The following STAU1 variants were observed in gnomAD, a reference collection of about 807,000 sequenced individuals.
The protein encoded by STAU1 is staufen double-stranded RNA binding protein 1.
STAU1 carries 13 observed loss-of-function variants against 62.9 expected under a neutral mutation model. The ratio of observed to expected loss-of-function variants is 0.21; its 90% CI spans 0.13 to 0.33. STAU1 has a LOEUF of 0.33. Among genes scored for constraint, STAU1 ranks in the 10% least tolerant of loss-of-function variants. The probability of loss-of-function intolerance (pLI) is 1.00; values close to 1 mark genes in which losing one functional copy is unlikely to be tolerated. For synonymous variants in STAU1, 269 were observed against 265.1 expected (o/e 1.01, Z -0.14); for missense variants, 571 against 712.1 (o/e 0.80, Z 2.25).
chr20:49,115,927 C>T (rs1385824124), intron 12 of STAU1, 60 bp from the exon 13 acceptor site: 4 of 1,475,654 alleles, frequency 2.7e-6, no homozygotes, highest in South Asian at 1.1e-5. Context: ...CAGCATAATA[C>T]ACTGGTCAGG....
chr20:49,170,055 C>T (rs2093577161), intron 2 of STAU1, among the ~76,000 whole-genome samples: 1 of 152,132 alleles, frequency 6.6e-6, no homozygotes, highest in South Asian at 2.1e-4. Flanking sequence ...GAAGGAGAAT[C>T]TGGGCACATG....
At position 49,113,775 on chromosome 20, in the gene STAU1, C is replaced by T. The variant is rs754433211; in HGVS notation, c.*1103G>A. 4 of 152,568 alleles carry T rather than the reference C, an allele frequency of 2.6e-5. No individual in the cohort carries two copies. The highest frequency in any genetic ancestry group is 6.6e-5 in the Admixed American group (1 of 15,266). The allele number at this position is 152,568 out of a possible 1,614,324, so 9.5% of individuals were successfully genotyped here. The stretch of plus-strand genomic sequence containing the variant: ...CTAATGGAGATGTAATTAACAGTAT[C>T]GAGCACTCTGGAAAATCACTCTGCA... On this transcript the variant is annotated 3_prime_UTR_variant, in exon 14 of 14. Transcript: ENST00000371856.
intron 13 of STAU1, among the ~76,000 whole-genome samples, chr20:49,115,361 C>T (rs568944339): frequency 1.1e-4 from 17 of 151,962 alleles, no homozygotes; most frequent in African/African-American, 3.6e-4. Flanking sequence ...AGTGCAGTGG[C>T]GCTATGTCGG....
intron 2 of STAU1, among the ~76,000 whole-genome samples, chr20:49,168,954 AT>A (rs201860565): frequency 3.4e-3 from 485 of 143,480 alleles, no homozygotes; most frequent in Admixed American, 6.2e-3. Context: ...ATAGATGCTA[AT>A]TTTTTTTTTT....
intron 5 of STAU1, among the ~76,000 whole-genome samples, chr20:49,143,907 C>T (rs2093065389): frequency 6.6e-6 from 1 of 152,194 alleles, no homozygotes; most frequent in African/African-American, 2.4e-5. Context: ...ACCTGATGCA[C>T]CTGCAGCTGG....
At position 49,113,851 on chromosome 20, in the gene STAU1, A is replaced by T. The variant is rs2092241888; in HGVS notation, c.*1027T>A. 4 of 152,778 alleles carry T rather than the reference A, an allele frequency of 2.6e-5. No homozygotes were observed. The South Asian group carries it at 8.3e-4, about 32-fold the overall frequency. The allele number at this position is 152,778 out of a possible 1,614,324, so 9.5% of individuals were successfully genotyped here. A position where few individuals can be genotyped will look rare whatever the true frequency, so the allele number is the denominator to read the frequency against. ...ATATCCTGTAGTGTAGTGAAAGCTAAGTCCTCAAGAGCCATATGTATAGAT... is the reference window on the plus strand; with the variant it reads ...ATATCCTGTAGTGTAGTGAAAGCTATGTCCTCAAGAGCCATATGTATAGAT... On this transcript the variant is annotated 3_prime_UTR_variant, in exon 14 of 14. Transcript: ENST00000371856.
At chr20:49,176,346 T>A (rs2093660361) in intron 1 of STAU1, among the ~76,000 whole-genome samples, 1 of 152,204 alleles carries the variant, frequency 6.6e-6, no homozygotes, top group Non-Finnish European at 1.5e-5. Context: ...TAATCATTTT[T>A]AGAAGTGAAC....
At chr20:49,148,928 C>A (rs928143036) in intron 5 of STAU1, among the ~76,000 whole-genome samples, 1 of 152,100 alleles carries the variant, frequency 6.6e-6, no homozygotes, top group African/African-American at 2.4e-5. Flanking sequence ...CAACCTTGAC[C>A]ATACCTCAGA....
At chr20:49,153,582 G>A (rs957279280) in intron 4 of STAU1, among the ~76,000 whole-genome samples, 1 of 150,540 alleles carries the variant, frequency 6.6e-6, no homozygotes, top group African/African-American at 2.4e-5. Flanking sequence ...GTGGTGGCAG[G>A]TGCCTGTAAT....
At chr20:49,196,965 T>A in the STAU1 span, among the ~76,000 whole-genome samples, 1 of 151,988 alleles carries the variant, frequency 6.6e-6, no homozygotes, top group African/African-American at 2.4e-5. Context: ...AAAACCAGCC[T>A]GGGCAACATG....
chr20:49,114,542 G>A lies in STAU1; in HGVS notation c.*336C>T. 3.3e-6 allele frequency: 1 copy of A among 305,194 alleles called. No individual in the cohort carries two copies. The highest frequency in any genetic ancestry group is 6.1e-6 in the Non-Finnish European group (1 of 163,422). 18.9% of individuals were successfully genotyped at this position (305,194 alleles called of 1,614,324 possible). The stretch of plus-strand genomic sequence containing the variant: ...GTGCCGTTTCTTCTTTCACACAGGG[G>A]AAAAAAAAGACCAAACACGGAGGTG... On this transcript the variant is annotated 3_prime_UTR_variant, in exon 14 of 14. Coordinates refer to ENST00000371856, the MANE Select transcript of STAU1 (RefSeq NM_017453.4).
chr20:49,186,946 CCA>C (rs1464705239), intron 1 of STAU1, among the ~76,000 whole-genome samples: 2 of 152,008 alleles, frequency 1.3e-5, no homozygotes, highest in African/African-American at 4.8e-5. Flanking sequence ...AAGAAAACTT[CCA>C]CACAAGCAAT....
At chr20:49,157,480 ATTT>A (rs964768758) in intron 3 of STAU1, among the ~76,000 whole-genome samples, 1 of 146,306 alleles carries the variant, frequency 6.8e-6, no homozygotes, top group Non-Finnish European at 1.5e-5. Flanking sequence ...TACTTGGCTA[ATTT>A]TTTTTTTTTA....
At chr20:49,155,089 A>G (rs2093336825) in intron 3 of STAU1, among the ~76,000 whole-genome samples, 1 of 150,202 alleles carries the variant, frequency 6.7e-6, no homozygotes, top group Non-Finnish European at 1.5e-5. Flanking sequence ...TCTGTCTTAA[A>G]AAAAAAAAAG....
intron 6 of STAU1, among the ~76,000 whole-genome samples, chr20:49,127,995 C>CA (rs746987060): frequency 6.6e-6 from 1 of 152,006 alleles, no homozygotes; most frequent in Non-Finnish European, 1.5e-5. Flanking sequence ...ACTAAAAATA[C>CA]AAAATTACCT....
At chr20:49,156,893 T>A (rs1349065100) in intron 3 of STAU1, among the ~76,000 whole-genome samples, 1 of 138,342 alleles carries the variant, frequency 7.2e-6, no homozygotes, top group Non-Finnish European at 1.6e-5. Flanking sequence ...TTTTTTTTTT[T>A]AAGAGACACA....
rs2092360792 is a variant in STAU1, at chr20:49,117,689, AG to A, written c.1509+87del. The stretch of plus-strand genomic sequence containing the variant: ...TGGACAGAACTTGATTTAAGAAAAA[AG>A]TACAAAGTTCAAAGTTCATTTTCTG... On this transcript the variant is annotated intron_variant, in intron 11 of 13. Transcript: ENST00000371856. The surrounding 1 kb of genome is among the most constrained non-coding windows in gnomAD (Gnocchi z 4.6). 3 of 1,386,838 alleles carry A rather than the reference AG, an allele frequency of 2.2e-6. No homozygotes were observed. The highest frequency in any genetic ancestry group is 4.7e-5 in the Admixed American group (2 of 42,504). The allele number at this position is 1,386,838 out of a possible 1,614,324, so 85.9% of individuals were successfully genotyped here.
chr20:49,191,030 A>AT (rs1351821680), upstream of STAU1, among the ~76,000 whole-genome samples: 11 of 135,662 alleles, frequency 8.1e-5, no homozygotes, highest in African/African-American at 3.0e-4. Flanking sequence ...TTTATTTTTA[A>AT]TTATTTTTTT....
intron 5 of STAU1, among the ~76,000 whole-genome samples, chr20:49,140,015 A>G (rs1358421399): frequency 6.6e-6 from 1 of 151,918 alleles, no homozygotes; most frequent in Non-Finnish European, 1.5e-5. Context: ...GTGAAACACC[A>G]TCTCTACTAA....
Sources: gnomAD v4.1 joint callset for allele counts (sites outside exome capture counted in the v4.1 genomes callset) on GRCh38, gnomAD v4.1.1 for gene constraint, Gnocchi (gnomAD v3.1) non-coding constraint, MANE v1.5 for transcripts, NCBI Gene and HGNC (gene_info 2026-07-23, HGNC 2026-07-21) for gene names.